Variants in MNS1 observed in about 807,000 individuals in gnomAD.
MNS1 encodes the protein meiosis specific nuclear structural 1, also known as meiosis-specific nuclear structural protein 1.
Under a neutral mutation model 72.0 loss-of-function variants are expected in MNS1, and 63 were observed. The observed-to-expected ratio is 0.87, with a 90% CI of 0.71 to 1.08. The LOEUF is 1.08. Ranked by LOEUF, MNS1 falls within the 50% of genes least tolerant of loss-of-function variation. The pLI is 0.00. For missense variants in MNS1, 604 were observed against 562.4 expected, an observed-to-expected ratio of 1.07 and a Z score of -0.75; for synonymous variants, 188 against 172.1, an observed-to-expected ratio of 1.09 and a Z score of -0.72.
At chr15:56,437,367 CAT>C (rs1221495206) in intron 7 of MNS1, among the ~76,000 whole-genome samples, 5 of 152,252 alleles carry the variant, frequency 3.3e-5, no homozygotes, top group Non-Finnish European at 5.9e-5. Context: ...ACAAAAAACA[CAT>C]GATTATCTCA....
At chr15:56,459,990 CAAAAAA>C (rs150132300) in intron 2 of MNS1, among the ~76,000 whole-genome samples, 2 of 11,112 alleles carry the variant, frequency 1.8e-4, no homozygotes, top group African/African-American at 8.9e-4. Flanking sequence ...AATTCTGTCT[CAAAAAA>C]AAAAAAAAAA....
In MNS1 at chr15:56,435,557, A is replaced by C. The variant is rs561739160; in HGVS notation, c.1012-1162T>G. Among the ~76,000 whole-genome samples the C allele has an allele frequency of 2.6e-5, 4 of 152,144 alleles. No homozygotes were observed. The South Asian group carries it at 8.3e-4, about 32-fold the overall frequency. ...TACTACAAATTATTATACACACATA[A>C]ATTTGGCAACTTAGATGAAATGGAT... On this transcript the variant is annotated intron_variant, in intron 7 of 9. Transcript: ENST00000260453.
chr15:56,464,946 T>C (rs1372114960), intron 1 of MNS1, 24 bp downstream of exon 1: 1 of 1,611,032 alleles, frequency 6.2e-7, no homozygotes, highest in African/African-American at 1.3e-5. Context: ...AAACAAGTAG[T>C]TTCAAGTCCC....
At chr15:56,461,811 C>CA (rs1161858435) in intron 2 of MNS1, among the ~76,000 whole-genome samples, 1 of 151,190 alleles carries the variant, frequency 6.6e-6, no homozygotes, top group Non-Finnish European at 1.5e-5. Flanking sequence ...TAAAAAGAGA[C>CA]AAAGTCAAAA....
At position 56,434,733 on chromosome 15, in the gene MNS1, C is replaced by T. The variant is rs375549336; in HGVS notation, c.1012-338G>A. Among the ~76,000 whole-genome samples the T allele has an allele frequency of 3.3e-5, 5 of 152,226 alleles. No individual in the cohort carries two copies. The East Asian group carries it at 9.6e-4, about 29-fold the overall frequency. On this transcript the variant is annotated intron_variant, in intron 7 of 9. Transcript: ENST00000260453. ...TTTATTCATCTAAAGTCTATGGTAA[C>T]TATGAATCATTCTAGAATCTTGCTT...
chr15:56,445,385 C>T (rs1377653626), intron 4 of MNS1, among the ~76,000 whole-genome samples: 1 of 151,938 alleles, frequency 6.6e-6, no homozygotes, highest in Non-Finnish European at 1.5e-5. Flanking sequence ...TATACTGAGG[C>T]AATTTTTTAA....
chr15:56,464,579 CCCA>C (rs3050228), intron 1 of MNS1, among the ~76,000 whole-genome samples: 1 of 150,392 alleles, frequency 6.6e-6, no homozygotes, highest in Admixed American at 6.6e-5. Flanking sequence ...CCTCATTCCA[CCCA>C]CCACCACCAC....
intron 7 of MNS1, among the ~76,000 whole-genome samples, chr15:56,437,315 A>T (rs1596256859): frequency 1.3e-5 from 2 of 152,226 alleles, no homozygotes; most frequent in African/African-American, 4.8e-5. Context: ...TTCAACATAC[A>T]CAAATCAATA....
intron 1 of MNS1, 37 bp downstream of exon 1, chr15:56,464,929 CAACA>C: frequency 6.2e-7 from 1 of 1,609,072 alleles, no homozygotes; most frequent in East Asian, 2.3e-5. Flanking sequence ...AGAATTAAAT[CAACA>C]ATAAACAAGT....
rs56022687 is a variant in MNS1 at position 56,461,975 on chromosome 15, GTTTTTTT to G, written c.225+2044_225+2050del. ...AATAACAAAGTGTTTTTTTGTTGTT[GTTTTTTT>G]TTTTTTTTTTTTTTTTTTTTTTTTT... On this transcript the variant is annotated intron_variant, in intron 2 of 9. Transcript: ENST00000260453. Among the ~76,000 whole-genome samples, 45 of 97,880 alleles carry G rather than the reference GTTTTTTT, an allele frequency of 4.6e-4. 1 individual carries two copies. The highest frequency in any genetic ancestry group is 1.0e-3 in the African/African-American group (26 of 26,040). The allele number at this position is 97,880 out of a possible 152,430, so 64.2% of individuals were successfully genotyped here.
At chr15:56,460,005 AAAAAATAC>A (rs2051007600) in intron 2 of MNS1, among the ~76,000 whole-genome samples, 1 of 30,516 alleles carries the variant, frequency 3.3e-5, no homozygotes, top group African/African-American at 1.2e-4. Flanking sequence ...AAAAAAAAAA[AAAAAATAC>A]ATATATATAT....
At chr15:56,438,105 G>GA (rs2050759351) in intron 7 of MNS1, among the ~76,000 whole-genome samples, 1 of 152,008 alleles carries the variant, frequency 6.6e-6, no homozygotes, top group African/African-American at 2.4e-5. Flanking sequence ...CACAGAATTG[G>GA]AAAAAACTAC....
intron 9 of MNS1, among the ~76,000 whole-genome samples, chr15:56,431,160 C>T (rs887877258): frequency 4.6e-5 from 7 of 152,114 alleles, no homozygotes; most frequent in African/African-American, 1.4e-4. Flanking sequence ...TTCAGTAAAT[C>T]AAGCTCATAC....
chr15:56,437,652 A>G (rs182415016), intron 7 of MNS1, among the ~76,000 whole-genome samples: 225 of 152,320 alleles, frequency 1.5e-3, no homozygotes, highest in Non-Finnish European at 1.5e-3. Flanking sequence ...AGGGTATTCA[A>G]TTAGGAAAAG....
chr15:56,439,147 G>A (rs1262272472), intron 7 of MNS1, among the ~76,000 whole-genome samples: 2 of 152,070 alleles, frequency 1.3e-5, no homozygotes, highest in Non-Finnish European at 2.9e-5. Context: ...CGAGTACACG[G>A]ACACCAAAAT....
At chr15:56,440,194 G>A (rs1170673996) in intron 7 of MNS1, among the ~76,000 whole-genome samples, 1 of 152,016 alleles carries the variant, frequency 6.6e-6, no homozygotes, top group African/African-American at 2.4e-5. Flanking sequence ...TAGTCATCAG[G>A]AAAATGCAAA....
At chr15:56,452,293 A>AG (rs2050952539) in intron 3 of MNS1, among the ~76,000 whole-genome samples, 11 of 152,160 alleles carry the variant, frequency 7.2e-5, no homozygotes, top group Admixed American at 7.2e-4. Flanking sequence ...TAGGTGCAAA[A>AG]GGCCTCTACC....
intron 2 of MNS1, among the ~76,000 whole-genome samples, chr15:56,458,301 T>C (rs1273409447): frequency 6.6e-6 from 1 of 152,174 alleles, no homozygotes; most frequent in Admixed American, 6.5e-5. Context: ...AAAATAGACT[T>C]TGAAGTTTTG....
chr15:56,439,766 CA>C (rs1330892182), intron 7 of MNS1, among the ~76,000 whole-genome samples: 1 of 147,170 alleles, frequency 6.8e-6, no homozygotes, highest in Non-Finnish European at 1.5e-5. Flanking sequence ...AAAAAAAACC[CA>C]AAAAAACAAA....
Sources: gnomAD v4.1 joint callset for allele counts (sites outside exome capture counted in the v4.1 genomes callset) on GRCh38, gnomAD v4.1.1 for gene constraint, MANE v1.5 for transcripts, NCBI Gene and HGNC (gene_info 2026-07-23, HGNC 2026-07-21) for gene names.